Variants in ZNF664 observed in about 807,000 individuals in gnomAD.
ZNF664 encodes the protein zinc finger Organ of Corti 1.
In ZNF664, 10 loss-of-function variants were observed where a neutral mutation model predicts 18.2. The ratio of observed to expected loss-of-function variants is 0.55; its 90% confidence interval spans 0.34 to 0.93. ZNF664 has a LOEUF of 0.93. Ranked by LOEUF, ZNF664 falls within the 40% of genes least tolerant of loss-of-function variation. The probability of loss-of-function intolerance (pLI) is 0.02; values close to 1 mark genes in which losing one functional copy is unlikely to be tolerated. For synonymous variants in ZNF664, 119 were observed against 104.2 expected, an observed-to-expected ratio of 1.14 and a Z score of -0.86; for missense variants, 193 against 319.0, an observed-to-expected ratio of 0.61 and a Z score of 3.01.
At chr12:123,983,771 A>G (rs1189483958) in intron 2 of ZNF664, among the ~76,000 whole-genome samples, 1 of 152,210 alleles carries the variant, frequency 6.6e-6, no homozygotes, top group Non-Finnish European at 1.5e-5. Context: ...GATTCAAAGT[A>G]CTCGGTGTTG....
chr12:124,004,223 A>T (rs185147013), intron 3 of ZNF664, among the ~76,000 whole-genome samples: 106 of 152,316 alleles, frequency 7.0e-4, no homozygotes, highest in African/African-American at 2.4e-3. Context: ...ATGATGACAG[A>T]AGAGAGAGGT....
chr12:124,013,038 A>G lies in ZNF664; in HGVS notation c.*108A>G. On this transcript the variant is annotated 3_prime_UTR_variant, in exon 5 of 5. Transcript: ENST00000337815. ...GAAATATTTACGCAATCCCTAGCAG[A>G]ACATTGTTTCTGAGGAGGCATATGT... is the stretch of plus-strand genomic sequence containing the variant. 3 of 1,355,712 alleles carry G rather than the reference A, an allele frequency of 2.2e-6. No individual in the cohort carries two copies. The highest frequency in any genetic ancestry group is 3.0e-5 in the South Asian group (2 of 66,142). The allele number at this position is 1,355,712 out of a possible 1,614,324, so 84.0% of individuals were successfully genotyped here.
intron 3 of ZNF664, among the ~76,000 whole-genome samples, chr12:123,994,359 T>TA (rs1566201521): frequency 6.6e-6 from 1 of 152,212 alleles, no homozygotes; most frequent in Non-Finnish European, 1.5e-5. Context: ...AAATGAAGAC[T>TA]AAAGTTTTAT....
rs1157728018 is a variant in ZNF664 at position 124,014,055 on chromosome 12, C to G, written c.*1125C>G. 1.2e-5 allele frequency: 2 copies of G among 167,032 alleles called. No homozygotes were observed. Among genetic ancestry groups the G allele is most frequent in the Admixed American group, 6.6e-5 (1 of 15,262 alleles). The allele number at this position is 167,032 out of a possible 1,614,324, so 10.3% of individuals were successfully genotyped here. A position where few individuals can be genotyped will look rare whatever the true frequency, so the allele number is the denominator to read the frequency against. On this transcript the variant is annotated 3_prime_UTR_variant, in exon 5 of 5. Coordinates refer to ENST00000337815, the MANE Select transcript of ZNF664 (RefSeq NM_152437.3). ...ACTGATGAGACAGACAAGGTCCCTA[C>G]TCTTGTGGAGTTTACTTCTGGTGGA...
intron 2 of ZNF664, among the ~76,000 whole-genome samples, chr12:123,986,328 C>T (rs899632985): frequency 1.3e-5 from 2 of 152,166 alleles, no homozygotes; most frequent in Non-Finnish European, 2.9e-5. Flanking sequence ...TCAGGCTGTC[C>T]AGAGACAAGC....
At chr12:123,975,365 C>G (rs1468896530) in intron 2 of ZNF664, among the ~76,000 whole-genome samples, 1 of 150,572 alleles carries the variant, frequency 6.6e-6, no homozygotes, top group African/African-American at 2.5e-5. Context: ...CATTAGTCTT[C>G]TTAACAATAT....
At chr12:123,984,865 T>C (rs1391517311) in intron 2 of ZNF664, among the ~76,000 whole-genome samples, 1 of 151,940 alleles carries the variant, frequency 6.6e-6, no homozygotes, top group Non-Finnish European at 1.5e-5. Flanking sequence ...AGCTAAAAAA[T>C]GGAGACAGGA....
At chr12:124,002,096 T>G (rs1396389998) in intron 3 of ZNF664, among the ~76,000 whole-genome samples, 1 of 152,158 alleles carries the variant, frequency 6.6e-6, no homozygotes, top group Non-Finnish European at 1.5e-5. Flanking sequence ...GAGAGGTAAG[T>G]CAGCTGAAAC....
rs771984577 is a variant in ZNF664 at position 124,012,786 on chromosome 12, G to A, written c.642G>A (p.Leu214=). 7 of 1,607,096 alleles carry A rather than the reference G, an allele frequency of 4.4e-6. No individual in the cohort carries two copies. The highest frequency in any genetic ancestry group is 1.1e-5 in the South Asian group (1 of 90,602). Residue 214 remains leucine (L), a synonymous_variant, in exon 5 of 5, where the codon CTG becomes CTA. Coordinates refer to ENST00000337815, the MANE Select transcript of ZNF664 (RefSeq NM_152437.3). ...CGKAFSQSSS[L]CIHQRVHTGE... ...AGGCCTTCAGTCAGAGTTCGAGCCT[G>A]TGCATCCACCAGAGAGTCCACACAG...
chr12:123,983,109 T>C (rs1594545857), intron 2 of ZNF664, among the ~76,000 whole-genome samples: 1 of 152,182 alleles, frequency 6.6e-6, no homozygotes, highest in African/African-American at 2.4e-5. Flanking sequence ...ATCACGCCAC[T>C]GTACTCCAGC....
Position 124,012,017 on chromosome 12 carries a change from C to T in ZNF664, c.-128C>T. 6.9e-7 allele frequency: 1 copy of T among 1,449,628 alleles called. No homozygotes were observed. The highest frequency in any genetic ancestry group is 1.4e-5 in the African/African-American group (1 of 70,006). 89.8% of individuals were successfully genotyped at this position (1,449,628 alleles called of 1,614,324 possible). On this transcript the variant is annotated 5_prime_UTR_variant, in exon 5 of 5. Coordinates refer to ENST00000337815, the MANE Select transcript of ZNF664 (RefSeq NM_152437.3). ...AAAGCTTAGGCTGACCTTAAACTTA[C>T]CTAATAGAGCAAGCCTGAGATAGAC...
chr12:123,983,559 A>G (rs1212392314), intron 2 of ZNF664, among the ~76,000 whole-genome samples: 1 of 152,222 alleles, frequency 6.6e-6, no homozygotes, highest in Non-Finnish European at 1.5e-5. Flanking sequence ...AAGCCTTTAT[A>G]GCCAGAGCAG....
intron 2 of ZNF664, among the ~76,000 whole-genome samples, chr12:123,978,401 A>G (rs995505750): frequency 9.2e-5 from 14 of 152,246 alleles, no homozygotes; most frequent in African/African-American, 2.9e-4. Flanking sequence ...TACCGTATAG[A>G]AAAGTTAGAT....
chr12:123,982,279 C>T (rs1049852426), intron 2 of ZNF664, among the ~76,000 whole-genome samples: 4 of 152,154 alleles, frequency 2.6e-5, no homozygotes, highest in Non-Finnish European at 4.4e-5. Context: ...AAGTGCCTGC[C>T]AAGGTAACAG....
At chr12:124,002,339 A>T (rs1306629429) in intron 3 of ZNF664, among the ~76,000 whole-genome samples, 3 of 152,152 alleles carry the variant, frequency 2.0e-5, no homozygotes, top group Admixed American at 1.3e-4. Context: ...TGGCTGGGCC[A>T]CCTCCAGCTT....
intron 3 of ZNF664, among the ~76,000 whole-genome samples, chr12:124,002,759 T>C (rs1266670590): frequency 6.6e-6 from 1 of 152,012 alleles, no homozygotes; most frequent in East Asian, 1.9e-4. Flanking sequence ...GGTTTGGAAA[T>C]GTGGTTGTAG....
chr12:124,005,964 G>C (rs1167586455), intron 3 of ZNF664: 2 of 152,496 alleles, frequency 1.3e-5, no homozygotes, highest in Non-Finnish European at 2.9e-5. Context: ...GGAGGTCATA[G>C]CCTTGCGCAG....
At chr12:123,995,346 A>G (rs929746808) in intron 3 of ZNF664, among the ~76,000 whole-genome samples, 1 of 152,210 alleles carries the variant, frequency 6.6e-6, no homozygotes, top group Non-Finnish European at 1.5e-5. Context: ...TTCACAGACT[A>G]TTGTGTGACC....
chr12:123,999,332 G>T (rs929929614), intron 3 of ZNF664, among the ~76,000 whole-genome samples: 3 of 152,142 alleles, frequency 2.0e-5, no homozygotes, highest in Non-Finnish European at 1.5e-5. Context: ...CATTCTGATA[G>T]ATCTGGTTCT....
Sources: gnomAD v4.1 joint callset for allele counts (sites outside exome capture counted in the v4.1 genomes callset) on GRCh38, gnomAD v4.1.1 for gene constraint, MANE v1.5 for transcripts, NCBI Gene and HGNC (gene_info 2026-07-23, HGNC 2026-07-21) for gene names.